Variants in SH3RF3 observed in about 807,000 individuals in gnomAD.
SH3RF3 encodes E3 ubiquitin-protein ligase SH3RF3.
A neutral mutation model predicts 66.3 loss-of-function variants in SH3RF3; 29 were observed. The observed-to-expected ratio is 0.44, with a 90% CI of 0.33 to 0.60. The LOEUF (loss-of-function observed/expected upper bound fraction) is 0.60. SH3RF3 is among the 20% of genes least tolerant of loss of function. SH3RF3 has a pLI of 0.04. For missense variants in SH3RF3, 1,194 were observed against 1,190.9 expected (o/e 1.00, Z -0.04); for synonymous variants, 583 against 532.0 (o/e 1.10, Z -1.32).
At chr2:109,281,742 G>A (rs1680898692) in intron 1 of SH3RF3, among the ~76,000 whole-genome samples, 1 of 152,166 alleles carries the variant, frequency 6.6e-6, no homozygotes, top group African/African-American at 2.4e-5. Flanking sequence ...GGTGGAGTGG[G>A]TGCAGGCCCA....
chr2:109,316,571 G>C (rs1185782783), intron 1 of SH3RF3, among the ~76,000 whole-genome samples: 1 of 152,156 alleles, frequency 6.6e-6, no homozygotes, highest in African/African-American at 2.4e-5. Flanking sequence ...AGCAGTTTTA[G>C]GTTCACAGCA....
chr2:109,208,055 C>G (rs965899296), intron 1 of SH3RF3, among the ~76,000 whole-genome samples: 9 of 152,180 alleles, frequency 5.9e-5, no homozygotes, highest in Non-Finnish European at 4.4e-5. Context: ...TTCAACAATT[C>G]TGCAAATATT....
intron 8 of SH3RF3, 28 bp from the exon 9 acceptor site, chr2:109,490,577 T>C: frequency 1.4e-6 from 2 of 1,406,036 alleles, no homozygotes; most frequent in Non-Finnish European, 1.9e-6. Flanking sequence ...ATTCACCTGT[T>C]TGGTTTCCAT....
intron 1 of SH3RF3, among the ~76,000 whole-genome samples, chr2:109,310,058 A>G (rs530624055): frequency 8.7e-6 from 1 of 114,656 alleles, no homozygotes; most frequent in South Asian, 2.9e-4. Flanking sequence ...GCACCACACC[A>G]CACCTATTCC....
intron 1 of SH3RF3, among the ~76,000 whole-genome samples, chr2:109,269,150 G>T (rs1287717096): frequency 6.6e-6 from 1 of 152,230 alleles, no homozygotes; most frequent in Non-Finnish European, 1.5e-5. Context: ...GGCATCATAG[G>T]CAGTTTCCCT....
intron 2 of SH3RF3, among the ~76,000 whole-genome samples, chr2:109,364,625 T>C (rs1390049325): frequency 6.6e-6 from 1 of 152,220 alleles, no homozygotes; most frequent in Non-Finnish European, 1.5e-5. Context: ...CGGCCACAAA[T>C]GTTCTATAGT....
chr2:109,137,444 G>A (rs911030760), intron 1 of SH3RF3, among the ~76,000 whole-genome samples: 1 of 152,236 alleles, frequency 6.6e-6, no homozygotes, highest in Non-Finnish European at 1.5e-5. Context: ...AGATGCTCTG[G>A]AAGTGCCACA....
intron 1 of SH3RF3, among the ~76,000 whole-genome samples, chr2:109,304,057 C>T (rs577694654): frequency 8.6e-5 from 13 of 151,416 alleles, no homozygotes; most frequent in South Asian, 4.2e-4. Flanking sequence ...GCTGAGATCG[C>T]GCCATTGCAC....
chr2:109,172,709 CAT>C (rs910116471), intron 1 of SH3RF3, among the ~76,000 whole-genome samples: 11 of 152,318 alleles, frequency 7.2e-5, no homozygotes, highest in African/African-American at 2.6e-4. Context: ...AATGGGGACA[CAT>C]GTCTGCCCAT....
At chr2:109,351,220 ACACGTGCTGGGCCAGT>A (rs1174721808) in intron 2 of SH3RF3, among the ~76,000 whole-genome samples, 1 of 152,178 alleles carries the variant, frequency 6.6e-6, no homozygotes, top group African/African-American at 2.4e-5. Flanking sequence ...AGGAGCCTCC[ACACGTGCTGGGCCAGT>A]CACCCGGGAG....
intron 1 of SH3RF3, among the ~76,000 whole-genome samples, chr2:109,288,350 T>C (rs1681086998): frequency 6.6e-6 from 1 of 152,242 alleles, no homozygotes; most frequent in African/African-American, 2.4e-5. Context: ...CTTAATGTAT[T>C]AGGGAACAGG....
chr2:109,161,142 G>A (rs1012119395), intron 1 of SH3RF3, among the ~76,000 whole-genome samples: 1 of 152,176 alleles, frequency 6.6e-6, no homozygotes, highest in African/African-American at 2.4e-5. Context: ...TTGTTACTAG[G>A]CATAAAGCAT....
chr2:109,401,513 C>T (rs1486541589), intron 4 of SH3RF3, among the ~76,000 whole-genome samples: 3 of 152,204 alleles, frequency 2.0e-5, no homozygotes, highest in Admixed American at 2.0e-4. Context: ...CAGTGCCTAT[C>T]CTGACAAGTA....
intron 1 of SH3RF3, among the ~76,000 whole-genome samples, chr2:109,303,020 G>A (rs556863662): frequency 6.6e-5 from 10 of 152,236 alleles, no homozygotes; most frequent in Admixed American, 4.6e-4. Flanking sequence ...GGGATTACAG[G>A]CATGCACCAC....
intron 8 of SH3RF3, among the ~76,000 whole-genome samples, chr2:109,474,609 C>G (rs560443943): frequency 6.6e-6 from 1 of 152,324 alleles, no homozygotes; most frequent in African/African-American, 2.4e-5. Context: ...CAGGTTTGGG[C>G]AGGGGGGGAG....
chr2:109,310,642 A>G (rs1681703343), intron 1 of SH3RF3, among the ~76,000 whole-genome samples: 1 of 61,838 alleles, frequency 1.6e-5, no homozygotes, highest in Non-Finnish European at 2.6e-5. Context: ...AGACACAATA[A>G]AAAATGATAA....
Position 109,432,593 on chromosome 2 carries a change from A to G in SH3RF3, c.1496A>G (p.Asp499Gly). 6.2e-7 allele frequency: 1 copy of G among 1,613,552 alleles called. No homozygotes were observed. The highest frequency in any genetic ancestry group is 8.5e-7 in the Non-Finnish European group (1 of 1,179,752). ...TACCGGGTCCTCGAGAAGTGTCAGG[A>G]TGGCTGGTTCAAGGGGGCGTCTCTG... ...EMYRVLEKCQ[D>G]GWFKGASLRT... Residue 499 changes from aspartate (D) to glycine (G), a missense_variant, in exon 6 of 10, where the codon GAT (aspartate) becomes GGT (glycine). By Grantham distance (94) the Asp-to-Gly change is moderately conservative (BLOSUM62 -1). Coordinates refer to ENST00000309415, the MANE Select transcript of SH3RF3 (RefSeq NM_001099289.3).
At chr2:109,221,665 T>C (rs1679246740) in intron 1 of SH3RF3, among the ~76,000 whole-genome samples, 1 of 152,108 alleles carries the variant, frequency 6.6e-6, no homozygotes, top group African/African-American at 2.4e-5. Context: ...TGGCCATTTC[T>C]GTGTCTTTTG....
intron 1 of SH3RF3, among the ~76,000 whole-genome samples, chr2:109,335,466 A>T (rs896077832): frequency 1.3e-5 from 2 of 152,054 alleles, no homozygotes; most frequent in Non-Finnish European, 2.9e-5. Flanking sequence ...GGGCTGGGAC[A>T]TGCTCGTCGA....
Sources: gnomAD v4.1 joint callset for allele counts (sites outside exome capture counted in the v4.1 genomes callset) on GRCh38, gnomAD v4.1.1 for gene constraint, MANE v1.5 for transcripts, NCBI Gene and HGNC (gene_info 2026-07-23, HGNC 2026-07-21) for gene names.